Variants in PTPRD observed in about 807,000 individuals in gnomAD.
PTPRD encodes protein tyrosine phosphatase receptor type D.
Under a neutral mutation model 214.5 loss-of-function variants are expected in PTPRD, and 34 were observed. That is an observed-to-expected ratio of 0.16 (90% confidence interval 0.12 to 0.21). The LOEUF (loss-of-function observed/expected upper bound fraction) is 0.21, where lower values mean the gene tolerates loss of function less well. PTPRD is among the 10% of genes least tolerant of loss of function. The pLI, the probability that PTPRD is intolerant of heterozygous loss-of-function variation, is 1.00. For missense variants in PTPRD, 2,545 were observed against 2,398.7 expected (o/e 1.06, Z -1.27); for synonymous variants, 1,128 against 845.7 (o/e 1.33, Z -5.79).
intron 7 of PTPRD, among the ~76,000 whole-genome samples, chr9:9,715,630 C>A (rs1183777168): frequency 6.6e-6 from 1 of 152,064 alleles, no homozygotes; most frequent in Admixed American, 6.5e-5. Context: ...CAAATAGAAT[C>A]TAGATAGAGA....
rs1025136424 is a variant in PTPRD at position 10,026,626 on chromosome 9, G to T, written c.-472+7092C>A. Among the ~76,000 whole-genome samples, 4 of 152,206 alleles carry T rather than the reference G, an allele frequency of 2.6e-5. No individual in the cohort carries two copies. The South Asian group carries it at 8.3e-4, about 32-fold the overall frequency. ...TACAATAATACACCTGCCATCACAAGGGGGCATTGTTTTCTCAATAGAGGA... is the reference window on the plus strand; with the variant it reads ...TACAATAATACACCTGCCATCACAATGGGGCATTGTTTTCTCAATAGAGGA... On this transcript the variant is annotated intron_variant, in intron 4 of 45. Transcript: ENST00000381196.
At chr9:9,424,493 G>C (rs2080073931) in intron 8 of PTPRD, among the ~76,000 whole-genome samples, 1 of 152,150 alleles carries the variant, frequency 6.6e-6, no homozygotes, top group Non-Finnish European at 1.5e-5. Flanking sequence ...ATGACATGTA[G>C]AAGAAAATGC....
At chr9:9,315,028 T>C (rs540851745) in intron 9 of PTPRD, among the ~76,000 whole-genome samples, 2 of 152,158 alleles carry the variant, frequency 1.3e-5, no homozygotes, top group African/African-American at 4.8e-5. Flanking sequence ...ACAACTCACC[T>C]AGATTTTATT....
chr9:9,135,547 T>C (rs576798567), intron 10 of PTPRD, among the ~76,000 whole-genome samples: 14 of 152,294 alleles, frequency 9.2e-5, no homozygotes, highest in Admixed American at 5.2e-4. Flanking sequence ...TGGCTTTCAA[T>C]GCTTTCTGTT....
intron 8 of PTPRD, among the ~76,000 whole-genome samples, chr9:9,559,040 G>C (rs867023943): frequency 6.6e-6 from 1 of 152,206 alleles, no homozygotes; most frequent in African/African-American, 2.4e-5. Context: ...AGTCCGGGGG[G>C]GTAGCTATCC....
At chr9:10,285,403 G>A (rs184410640) in intron 3 of PTPRD, among the ~76,000 whole-genome samples, 1 of 151,972 alleles carries the variant, frequency 6.6e-6, no homozygotes, top group Non-Finnish European at 1.5e-5. Context: ...ATATTCCCAA[G>A]TGCAATTTCA....
intron 3 of PTPRD, among the ~76,000 whole-genome samples, chr9:10,048,293 G>A (rs147520900): frequency 2.5e-3 from 374 of 151,976 alleles, no homozygotes; most frequent in Non-Finnish European, 4.3e-3. Flanking sequence ...CTCTGTTTCA[G>A]TTCTGGTCAA....
chr9:8,545,655 C>G (rs1299048886), intron 14 of PTPRD, among the ~76,000 whole-genome samples: 1 of 152,152 alleles, frequency 6.6e-6, no homozygotes, highest in Non-Finnish European at 1.5e-5. Flanking sequence ...TTTTCAATAA[C>G]TGAGTCTACA....
At chr9:9,457,305 T>C (rs1464630103) in intron 8 of PTPRD, among the ~76,000 whole-genome samples, 2 of 152,006 alleles carry the variant, frequency 1.3e-5, no homozygotes, top group Non-Finnish European at 2.9e-5. Flanking sequence ...TCCTTTATGA[T>C]AATCGGTCTC....
At position 8,587,709 on chromosome 9, in the gene PTPRD, C is replaced by T. The variant is rs185116000; in HGVS notation, c.352+45608G>A. On this transcript the variant is annotated intron_variant, in intron 14 of 45. Transcript: ENST00000381196. ...ATCTGACCTCAACGGCCTTGGAAAG[C>T]TGTACATGGTCCTTACAGCCAAGTA... Among the ~76,000 whole-genome samples the T allele has an allele frequency of 6.4e-4, 98 of 152,280 alleles. 1 individual carries two copies. In the East Asian group the frequency reaches 0.011, roughly 18 times the overall value.
At chr9:9,283,760 T>C (rs548433820) in intron 9 of PTPRD, among the ~76,000 whole-genome samples, 54 of 151,724 alleles carry the variant, frequency 3.6e-4, no homozygotes, top group South Asian at 6.2e-4. Flanking sequence ...CATATATCTC[T>C]CTAATTGGAC....
chr9:8,436,314 A>G (rs868261144), intron 35 of PTPRD, among the ~76,000 whole-genome samples: 4 of 147,200 alleles, frequency 2.7e-5, no homozygotes, highest in Middle Eastern at 3.5e-3. Context: ...AAATATATAC[A>G]ATTATTGCCA....
At chr9:9,978,469 A>T (rs2095433806) in intron 4 of PTPRD, among the ~76,000 whole-genome samples, 1 of 152,126 alleles carries the variant, frequency 6.6e-6, no homozygotes, top group African/African-American at 2.4e-5. Context: ...GGAAAAAAAT[A>T]AAATGTATGC....
chr9:9,967,186 T>C (rs1227075244), intron 4 of PTPRD, among the ~76,000 whole-genome samples: 3 of 152,204 alleles, frequency 2.0e-5, no homozygotes, highest in African/African-American at 7.2e-5. Context: ...AGCCACTCTT[T>C]GCCTCAGTTT....
intron 9 of PTPRD, among the ~76,000 whole-genome samples, chr9:9,332,406 T>C (rs989848508): frequency 6.6e-6 from 1 of 152,018 alleles, no homozygotes. Flanking sequence ...TTTTGTCTAG[T>C]TGCTATCAAT....
intron 32 of PTPRD, among the ~76,000 whole-genome samples, chr9:8,463,333 A>AAC (rs1555049106): frequency 1.3e-5 from 2 of 148,714 alleles, no homozygotes; most frequent in African/African-American, 2.4e-5. Context: ...AAAAAAAAAA[A>AAC]AGATGTGTAT....
intron 3 of PTPRD, among the ~76,000 whole-genome samples, chr9:10,287,469 A>G (rs1435260845): frequency 2.0e-5 from 3 of 152,148 alleles, no homozygotes; most frequent in Non-Finnish European, 4.4e-5. Flanking sequence ...AAATGACCCC[A>G]TGCACCCTAT....
At chr9:9,908,605 G>A (rs368768852) in intron 5 of PTPRD, among the ~76,000 whole-genome samples, 24 of 151,946 alleles carry the variant, frequency 1.6e-4, no homozygotes, top group East Asian at 1.3e-3. Flanking sequence ...AGGGAAATGG[G>A]TTTTAAAGAT....
intron 10 of PTPRD, among the ~76,000 whole-genome samples, chr9:9,097,005 G>A (rs190728041): frequency 1.3e-5 from 2 of 152,216 alleles, no homozygotes; most frequent in Admixed American, 1.3e-4. Context: ...TAATCAGCTT[G>A]AACTAAACAG....
Sources: allele counts gnomAD v4.1 joint callset (sites outside exome capture counted in the v4.1 genomes callset), GRCh38; gene constraint gnomAD v4.1.1; transcripts MANE v1.5; gene names NCBI Gene and HGNC (gene_info 2026-07-23, HGNC 2026-07-21).